The following PIK3R5 variants were observed in gnomAD, a reference collection of about 807,000 sequenced individuals.
PIK3R5 encodes phosphoinositide 3-kinase regulatory subunit 5.
In PIK3R5, 32 loss-of-function variants were observed where a neutral mutation model predicts 94.9. The observed-to-expected ratio is 0.34, with a 90% CI of 0.25 to 0.45. The LOEUF (loss-of-function observed/expected upper bound fraction) is 0.45. PIK3R5 is among the 20% of genes least tolerant of loss of function. PIK3R5 has a pLI of 1.00. For synonymous variants in PIK3R5, 443 were observed against 479.4 expected (o/e 0.92, Z 0.99); for missense variants, 853 against 1,144.6 (o/e 0.75, Z 3.68).
intron 5 of PIK3R5, among the ~76,000 whole-genome samples, chr17:8,902,220 A>T (rs1490706033): frequency 2.0e-5 from 3 of 151,674 alleles, no homozygotes; most frequent in Admixed American, 2.0e-4. Flanking sequence ...GGACTAAAAA[A>T]AAAACCTCTT....
At position 8,944,286 on chromosome 17, in the gene PIK3R5, C is replaced by T. The variant is rs373996929; in HGVS notation, c.-14+21310G>A. 3.3e-5 allele frequency among the ~76,000 whole-genome samples: 5 copies of T among 152,262 alleles called. No homozygotes were observed. The East Asian group carries it at 7.7e-4, about 23-fold the overall frequency. Reference sequence around the variant, plus strand: ...TTCTTTTTCATGGCTACATAATATTCCATGGTGTATATGTACCACATTTCC... The same window carrying T: ...TTCTTTTTCATGGCTACATAATATTTCATGGTGTATATGTACCACATTTCC... On this transcript the variant is annotated intron_variant, in intron 1 of 18. Coordinates refer to ENST00000447110, the MANE Select transcript of PIK3R5 (RefSeq NM_001142633.3).
intron 13 of PIK3R5, 41 bp downstream of exon 13, chr17:8,886,436 G>C (rs374494607): frequency 1.3e-6 from 2 of 1,598,492 alleles, no homozygotes; most frequent in Non-Finnish European, 1.7e-6. Context: ...TTGCAGGCCC[G>C]GCAGGTGGGG....
intron 1 of PIK3R5, among the ~76,000 whole-genome samples, chr17:8,942,199 C>T (rs1469429252): frequency 6.6e-6 from 1 of 152,138 alleles, no homozygotes; most frequent in African/African-American, 2.4e-5. Context: ...GGCAGACCCT[C>T]GAGCTGGGGC....
chr17:8,887,835 C>CA (rs35014801), intron 10 of PIK3R5, 152 bp from the exon 11 acceptor site: 9,397 of 394,342 alleles, frequency 0.024, 4 homozygotes, highest in East Asian at 0.037. Flanking sequence ...TCTACTAAGA[C>CA]AAAAAAAAAA....
rs564556361 is a variant in PIK3R5 at position 8,881,605 on chromosome 17, G to C, written c.2382+25C>G. The stretch of plus-strand genomic sequence containing the variant: ...CTCCAGTAAGTCTCTTGAGGGTATG[G>C]CTGGAAGGAGAGGGAAGCCCGTACC... On this transcript the variant is annotated intron_variant, in intron 17 of 18. Transcript: ENST00000447110. The surrounding 1 kb of genome is among the most constrained non-coding windows in gnomAD (Gnocchi z 4.8). 5.0e-6 allele frequency: 8 copies of C among 1,585,624 alleles called. No individual in the cohort carries two copies. In the African/African-American group the frequency reaches 9.4e-5, roughly 19 times the overall value.
At chr17:8,942,289 C>T (rs986797792) in intron 1 of PIK3R5, among the ~76,000 whole-genome samples, 4 of 152,114 alleles carry the variant, frequency 2.6e-5, no homozygotes, top group Admixed American at 6.5e-5. Context: ...TGACCTCTGC[C>T]GGCCTGACCC....
In PIK3R5 at chr17:8,930,855, G is replaced by A. The variant is rs2090974707; in HGVS notation, c.-13-19348C>T. Among the ~76,000 whole-genome samples, 4 of 152,216 alleles carry A rather than the reference G, an allele frequency of 2.6e-5. No homozygotes were observed. The South Asian group carries it at 8.3e-4, about 32-fold the overall frequency. On this transcript the variant is annotated intron_variant, in intron 1 of 18. Coordinates refer to ENST00000447110, the MANE Select transcript of PIK3R5 (RefSeq NM_001142633.3). ...AGAAATGGAGAACATATTGGTGGTT[G>A]CTAGGGTTAGCATTAGGGCAGGTGC...
chr17:8,920,908 C>T (rs1261488933), intron 1 of PIK3R5, among the ~76,000 whole-genome samples: 7 of 146,436 alleles, frequency 4.8e-5, no homozygotes, highest in Non-Finnish European at 8.9e-5. Flanking sequence ...ATGGCGCAAT[C>T]TTGGCTCACT....
chr17:8,885,145 C>G (rs2089786887), intron 14 of PIK3R5: 1 of 276,880 alleles, frequency 3.6e-6, no homozygotes, highest in Non-Finnish European at 7.0e-6. Context: ...AGGGCCCCAC[C>G]TCCTGGGTAA....
intron 5 of PIK3R5, among the ~76,000 whole-genome samples, chr17:8,897,358 G>A (rs1284751029): frequency 1.3e-5 from 2 of 152,208 alleles, no homozygotes; most frequent in East Asian, 1.9e-4. Flanking sequence ...TGCAGGCAGA[G>A]GAGATGTGAG....
chr17:8,896,035 G>C lies in PIK3R5; in HGVS notation c.413-2380C>G, dbSNP rs1202409059. Reference sequence around the variant, plus strand: ...AATTAACTGGTGGGCTGGGGCCTGAGCTGGGAACACATTAGAAAAGACTGT... The same window carrying C: ...AATTAACTGGTGGGCTGGGGCCTGACCTGGGAACACATTAGAAAAGACTGT... On this transcript the variant is annotated intron_variant, in intron 5 of 18. Transcript: ENST00000447110. This position sits in a 1 kb window ranked among gnomAD's most constrained non-coding sequence, Gnocchi z 4.0. Among the ~76,000 whole-genome samples the C allele has an allele frequency of 6.6e-6, 1 of 152,172 alleles. No individual in the cohort carries two copies. Among genetic ancestry groups the C allele is most frequent in the East Asian group, 1.9e-4 (1 of 5,186 alleles).
intron 1 of PIK3R5, among the ~76,000 whole-genome samples, chr17:8,960,711 C>T (rs1269873459): frequency 6.6e-6 from 1 of 152,186 alleles, no homozygotes; most frequent in Non-Finnish European, 1.5e-5. Context: ...TCCATGTGAG[C>T]CACCTTCAGC....
chr17:8,946,631 A>G (rs2091277195), intron 1 of PIK3R5, among the ~76,000 whole-genome samples: 1 of 152,124 alleles, frequency 6.6e-6, no homozygotes, highest in Non-Finnish European at 1.5e-5. Context: ...AGCTGCAAAG[A>G]TGACTAATAC....
rs1184134031 is a variant in PIK3R5, at chr17:8,889,521, A to G, written c.812-299T>C. 6.6e-6 allele frequency among the ~76,000 whole-genome samples: 1 copy of G among 152,152 alleles called. No homozygotes were observed. Among genetic ancestry groups the G allele is most frequent in the Non-Finnish European group, 1.5e-5 (1 of 68,020 alleles). On this transcript the variant is annotated intron_variant, in intron 8 of 18. Coordinates refer to ENST00000447110, the MANE Select transcript of PIK3R5 (RefSeq NM_001142633.3). This position sits in a 1 kb window ranked among gnomAD's most constrained non-coding sequence, Gnocchi z 4.1. The stretch of plus-strand genomic sequence containing the variant: ...TGGGAGAATAATAGTACTAGCCCAG[A>G]AGGTTTTTATGAGGAATATTGTAAC...
intron 14 of PIK3R5, among the ~76,000 whole-genome samples, chr17:8,885,539 C>G (rs1285274140): frequency 6.9e-6 from 1 of 145,050 alleles, no homozygotes; most frequent in Admixed American, 6.8e-5. Flanking sequence ...GGCCCTGCCT[C>G]CCGGTAACCC....
chr17:8,965,001 C>CCACACACACACACACACA (rs10680170), intron 1 of PIK3R5, among the ~76,000 whole-genome samples: 7 of 150,800 alleles, frequency 4.6e-5, no homozygotes, highest in African/African-American at 1.2e-4. Flanking sequence ...ATGCGCATGC[C>CCACACACACACACACACA]CACACACACA....
In PIK3R5 at chr17:8,890,810, G is replaced by C. The variant is rs747247134; in HGVS notation, c.585C>G (p.Thr195=). ...TGGCCTGGAAGGCGTGCAGGAGCAG[G>C]GTGGTGTAGGCACTGTGAGGCGAGT... is the stretch of plus-strand genomic sequence containing the variant. The part of the protein sequence containing the change: ...PGHSPHSAYT[T]LLLHAFQATF... Residue 195 remains threonine (T), a synonymous_variant, in exon 7 of 19, where the codon ACC becomes ACG. Transcript: ENST00000447110. This position sits in a 1 kb window ranked among gnomAD's most constrained non-coding sequence, Gnocchi z 6.1. 6.2e-7 allele frequency: 1 copy of C among 1,613,340 alleles called. No homozygotes were observed. Among genetic ancestry groups the C allele is most frequent in the Admixed American group, 1.7e-5 (1 of 59,882 alleles).
chr17:8,928,477 A>G (rs1438769617), intron 1 of PIK3R5, among the ~76,000 whole-genome samples: 3 of 152,266 alleles, frequency 2.0e-5, no homozygotes, highest in African/African-American at 4.8e-5. Context: ...TCTGAAAACT[A>G]AAGACAAAGA....
chr17:8,887,626 G>A lies in PIK3R5; in HGVS notation c.1674C>T (p.Tyr558=), dbSNP rs370452154. The A allele has an allele frequency of 1.4e-5, 22 of 1,609,830 alleles. No homozygotes were observed. Among genetic ancestry groups the A allele is most frequent in the African/African-American group, 6.7e-5 (5 of 74,790 alleles). The change falls in exon 11 of 19, where the codon TAC becomes TAT. Residue 558 remains tyrosine (Y), a synonymous_variant. Transcript: ENST00000447110. ...TCCCATGACTTCGCTTCACAGGCAC[G>A]TAGAAGAACTGAAGTTTGAAGAACC... ...LTRFFKLQFF[Y]VPVKRSHGTS...
Sources: allele counts gnomAD v4.1 joint callset (sites outside exome capture counted in the v4.1 genomes callset), GRCh38; gene constraint gnomAD v4.1.1; non-coding constraint Gnocchi (gnomAD v3.1); transcripts MANE v1.5; gene names NCBI Gene and HGNC (gene_info 2026-07-23, HGNC 2026-07-21).